DMBT1: variants seen among roughly 807,000 people sequenced by gnomAD.
DMBT1 encodes deleted in malignant brain tumors 1.
A neutral mutation model predicts 252.9 loss-of-function variants in DMBT1; 198 were observed. That is an observed-to-expected ratio of 0.78 (90% confidence interval 0.70 to 0.88). The LOEUF (loss-of-function observed/expected upper bound fraction) is 0.88. Among genes scored for constraint, DMBT1 ranks in the 40% least tolerant of loss-of-function variants. DMBT1 has a pLI of 0.00. For synonymous variants in DMBT1, 990 were observed against 942.7 expected (o/e 1.05, Z -0.92); for missense variants, 2,432 against 2,404.7 (o/e 1.01, Z -0.24).
chr10:122,587,244 G>C (rs973994745), intron 16 of DMBT1, among the ~76,000 whole-genome samples: 5 of 148,570 alleles, frequency 3.4e-5, no homozygotes, highest in Admixed American at 6.7e-5. Context: ...GGTCTGACTG[G>C]GAGGATTCCA....
intron 25 of DMBT1, 87 bp downstream of exon 25, chr10:122,598,099 G>T (rs1440380657): frequency 2.5e-6 from 4 of 1,587,928 alleles, no homozygotes; most frequent in Non-Finnish European, 3.5e-6. Context: ...GAGGGTCAAG[G>T]TGGGCCCCTC....
chr10:122,618,408 C>A lies in DMBT1; in HGVS notation c.5215+68C>A, dbSNP rs931259209. ...TTGCTCAGGAAGAAAATCCTAATTA[C>A]ATTCTGATCTCCTCACTCAAAGCTT... On this transcript the variant is annotated intron_variant, in intron 41 of 55. Transcript: ENST00000338354. 8 of 1,610,688 alleles carry A rather than the reference C, an allele frequency of 5.0e-6. No homozygotes were observed. In the East Asian group the frequency reaches 1.3e-4, roughly 27 times the overall value.
chr10:122,597,804 A>T (rs3981004), intron 24 of DMBT1, among the ~76,000 whole-genome samples, 170 bp from the exon 25 acceptor site: 68 of 152,096 alleles, frequency 4.5e-4, no homozygotes, highest in African/African-American at 9.4e-4. Flanking sequence ...AAGGCCTATG[A>T]CCCTTGCTGA....
intron 26 of DMBT1, among the ~76,000 whole-genome samples, chr10:122,599,329 G>C (rs577430400): frequency 5.6e-4 from 85 of 152,302 alleles, no homozygotes; most frequent in African/African-American, 1.7e-3. Flanking sequence ...CTTCCTGAGG[G>C]AAGGCAAGGA....
rs754044345 is a variant in DMBT1 at position 122,585,346 on chromosome 10, T to G, written c.1459+37T>G. 1.1e-5 allele frequency: 18 copies of G among 1,573,928 alleles called. 4 individuals are homozygous for G. The highest frequency in any genetic ancestry group is 1.7e-4 in the Middle Eastern group (1 of 6,016). ...TCTCGCCCCTCCCTAGGGCTCACTCTCTACCTCTGGACAAATGTTTTTTTC... is the reference window on the plus strand; with the variant it reads ...TCTCGCCCCTCCCTAGGGCTCACTCGCTACCTCTGGACAAATGTTTTTTTC... On this transcript the variant is annotated intron_variant, in intron 15 of 55. Transcript: ENST00000338354.
intron 1 of DMBT1, among the ~76,000 whole-genome samples, chr10:122,565,046 T>A (rs1393214994): frequency 1.3e-5 from 2 of 151,604 alleles, no homozygotes; most frequent in Non-Finnish European, 2.9e-5. Flanking sequence ...AAAAAAAATC[T>A]TCTTGAAAGA....
At chr10:122,627,918 AG>A (rs1220915737) in intron 46 of DMBT1, among the ~76,000 whole-genome samples, 1 of 152,266 alleles carries the variant, frequency 6.6e-6, no homozygotes, top group Non-Finnish European at 1.5e-5. Context: ...ATTCACAGAT[AG>A]CAGAGAAGGC....
Position 122,619,346 on chromosome 10 carries a change from C to A in DMBT1, c.5245+9C>A, listed in dbSNP as rs777669443. 4.3e-6 allele frequency: 7 copies of A among 1,613,868 alleles called. No homozygotes were observed. The African/African-American group carries it at 8.0e-5, about 18-fold the overall frequency. On this transcript the variant is annotated intron_variant, in intron 42 of 55. Transcript: ENST00000338354. ...GTCAACGCCCAGGCCAGGTGAGTCCCCAGCATCCTTCATCGGGATGTCCCT... is the reference window on the plus strand; with the variant it reads ...GTCAACGCCCAGGCCAGGTGAGTCCACAGCATCCTTCATCGGGATGTCCCT...
At chr10:122,599,721 A>G (rs1230781225) in intron 26 of DMBT1, among the ~76,000 whole-genome samples, 2 of 152,216 alleles carry the variant, frequency 1.3e-5, no homozygotes, top group Non-Finnish European at 1.5e-5. Context: ...GCCTGTGATC[A>G]GGGCTTGAGG....
intron 4 of DMBT1, 94 bp from the exon 5 acceptor site, chr10:122,572,220 T>G (rs2097670519): frequency 3.9e-6 from 6 of 1,552,298 alleles, no homozygotes; most frequent in Non-Finnish European, 5.3e-6. Context: ...GGACCTGTGT[T>G]TCCAGCCCTT....
rs1466750143 is a variant in DMBT1, at chr10:122,589,021, G to C, written c.1861G>C (p.Gly621Arg). 6.3e-7 allele frequency: 1 copy of C among 1,588,796 alleles called. No homozygotes were observed. Residue 621 changes from glycine to arginine, a missense_variant, in exon 17 of 56, where the codon GGC becomes CGC. Physicochemically the swap from Gly to Arg is moderately radical, Grantham distance 125. Coordinates refer to ENST00000338354, the MANE Select transcript of DMBT1 (RefSeq NM_001377530.1). Reference protein sequence around the residue: ...CQGRVEVLYRGSWGTVCDDSW... With the variant: ...CQGRVEVLYRRSWGTVCDDSW... ...GGGCCGAGTGGAGGTCCTATACCGA[G>C]GCTCTTGGGGCACCGTGTGTGATGA...
chr10:122,599,796 G>C (rs533118443), intron 26 of DMBT1, among the ~76,000 whole-genome samples: 78 of 152,228 alleles, frequency 5.1e-4, no homozygotes, highest in African/African-American at 1.6e-3. Context: ...TGCCTAAGAC[G>C]TGCAAGGGAG....
chr10:122,629,967 C>G lies in DMBT1; in HGVS notation c.5796C>G (p.Arg1932=), dbSNP rs772490659. The G allele has an allele frequency of 3.1e-6, 5 of 1,614,024 alleles. No homozygotes were observed. In the South Asian group the frequency reaches 4.4e-5, roughly 14 times the overall value. ...VWEIEVNSGY[R]INLGFSNLKL... is the part of the protein sequence containing the mutation. Reference sequence around the variant, plus strand: ...AAATAGAAGTGAATTCTGGTTATCGCATAAACCTGGGCTTCAGTAATCTGA... The same window carrying G: ...AAATAGAAGTGAATTCTGGTTATCGGATAAACCTGGGCTTCAGTAATCTGA... The change falls in exon 47 of 56, where the codon CGC becomes CGG. Residue 1932 remains arginine, a synonymous_variant. Transcript: ENST00000338354.
At chr10:122,633,406 C>T (rs80342127) in intron 52 of DMBT1, 65 bp downstream of exon 52, 1 of 1,563,816 alleles carries the variant, frequency 6.4e-7, no homozygotes, top group African/African-American at 1.4e-5. Context: ...ATAAATGGTG[C>T]TTAAGTGTGC....
intron 55 of DMBT1, among the ~76,000 whole-genome samples, chr10:122,640,932 G>T (rs761210842): frequency 6.6e-6 from 1 of 152,218 alleles, no homozygotes; most frequent in African/African-American, 2.4e-5. Flanking sequence ...CCAGTTGCTC[G>T]CCTGTCAAGT....
chr10:122,572,462 T>G lies in DMBT1; in HGVS notation c.235+101T>G, dbSNP rs560852186. 4,647 of 1,520,422 alleles carry G rather than the reference T, an allele frequency of 3.1e-3. 15 individuals are homozygous for G. Among genetic ancestry groups the G allele is most frequent in the Non-Finnish European group, 3.6e-3 (3,980 of 1,097,050 alleles). The allele number at this position is 1,520,422 out of a possible 1,614,324, so 94.2% of individuals were successfully genotyped here. On this transcript the variant is annotated intron_variant, in intron 5 of 55. Transcript: ENST00000338354. Reference sequence around the variant, plus strand: ...GGTGTAGAGGACATAGAAAGTAGTGTGCTGGCGTCAGGTGCTCAGGTAGTG... The same window carrying G: ...GGTGTAGAGGACATAGAAAGTAGTGGGCTGGCGTCAGGTGCTCAGGTAGTG...
chr10:122,587,032 A>C lies in DMBT1; in HGVS notation c.1783+649A>C, dbSNP rs532869351. ...GACCAGGGAGGACACTAAGTTATTC[A>C]TGAAGAGTTGGCCTTCATGACCCAG... On this transcript the variant is annotated intron_variant, in intron 16 of 55. Coordinates refer to ENST00000338354, the MANE Select transcript of DMBT1 (RefSeq NM_001377530.1). 1.1e-4 allele frequency among the ~76,000 whole-genome samples: 16 copies of C among 148,616 alleles called. 1 individual carries two copies. Among genetic ancestry groups the C allele is most frequent in the Non-Finnish European group, 2.2e-4 (15 of 66,746 alleles).
At position 122,588,482 on chromosome 10, in the gene DMBT1, C is replaced by T. The variant is rs1214409444; in HGVS notation, c.1784-462C>T. On this transcript the variant is annotated intron_variant, in intron 16 of 55. Coordinates refer to ENST00000338354, the MANE Select transcript of DMBT1 (RefSeq NM_001377530.1). ...ACTCCTATTCGACCTCGTTCCTGGCCCTCCAGCCATGCACTGCAGACCTGC... is the reference window on the plus strand; with the variant it reads ...ACTCCTATTCGACCTCGTTCCTGGCTCTCCAGCCATGCACTGCAGACCTGC... Among the ~76,000 whole-genome samples, 2 of 149,110 alleles carry T rather than the reference C, an allele frequency of 1.3e-5. 1 individual carries two copies. Among genetic ancestry groups the T allele is most frequent in the East Asian group, 4.1e-4 (2 of 4,864 alleles).
intron 18 of DMBT1, 64 bp from the exon 19 acceptor site, chr10:122,591,414 CT>C (rs1380660667): frequency 3.3e-6 from 5 of 1,497,152 alleles, no homozygotes; most frequent in Non-Finnish European, 4.6e-6. Context: ...GTCCAGAGAC[CT>C]TTCCTTTTGG....
Sources: gnomAD v4.1 joint callset for allele counts (sites outside exome capture counted in the v4.1 genomes callset) on GRCh38, gnomAD v4.1.1 for gene constraint, MANE v1.5 for transcripts, NCBI Gene and HGNC (gene_info 2026-07-23, HGNC 2026-07-21) for gene names.